Variants in TRPC4 observed in about 807,000 individuals in gnomAD.
The protein encoded by TRPC4 is transient receptor potential cation channel subfamily C member 4.
TRPC4 carries 49 observed loss-of-function variants against 99.4 expected under a neutral mutation model. That is an observed-to-expected ratio of 0.49 (90% CI 0.39 to 0.63). The LOEUF is 0.63. Ranked by LOEUF, TRPC4 falls within the 20% of genes least tolerant of loss-of-function variation. The probability of loss-of-function intolerance (pLI) is 0.00; values close to 1 mark genes in which losing one functional copy is unlikely to be tolerated. For synonymous variants in TRPC4, 454 were observed against 425.9 expected, an observed-to-expected ratio of 1.07 and a Z score of -0.81; for missense variants, 898 against 1,152.9, an observed-to-expected ratio of 0.78 and a Z score of 3.20.
intron 1 of TRPC4, among the ~76,000 whole-genome samples, chr13:37,818,954 A>G (rs973247624): frequency 6.6e-6 from 1 of 152,070 alleles, no homozygotes; most frequent in Non-Finnish European, 1.5e-5. Flanking sequence ...GTACAATTAA[A>G]AAAAATACAT....
chr13:37,832,655 C>T (rs185608297), intron 1 of TRPC4, among the ~76,000 whole-genome samples: 123 of 152,012 alleles, frequency 8.1e-4, no homozygotes, highest in East Asian at 1.2e-3. Flanking sequence ...TTAAATCTAA[C>T]GAACAGGACA....
chr13:37,746,252 G>C lies in TRPC4; in HGVS notation c.582C>G (p.Arg194=). The stretch of plus-strand genomic sequence containing the variant: ...AGGCCTTGTAGATGTTGAGTCTGGA[G>C]CGTGAGTGACGGAGGCTGTCCACAT... ...SSDVDSLRHS[R]SRLNIYKALA... is the part of the protein sequence containing the mutation. Residue 194 remains arginine, a synonymous_variant, in exon 3 of 11, where the codon CGC becomes CGG. Coordinates refer to ENST00000379705, the MANE Select transcript of TRPC4 (RefSeq NM_016179.4). 6.2e-7 allele frequency: 1 copy of C among 1,613,844 alleles called. No homozygotes were observed. The highest frequency in any genetic ancestry group is 8.5e-7 in the Non-Finnish European group (1 of 1,179,878).
At chr13:37,698,906 T>C (rs1954011853) in intron 3 of TRPC4, among the ~76,000 whole-genome samples, 1 of 152,148 alleles carries the variant, frequency 6.6e-6, no homozygotes, top group Non-Finnish European at 1.5e-5. Flanking sequence ...AAAATACCTA[T>C]ACCTAGTTTC....
chr13:37,855,655 T>C (rs958637063), intron 1 of TRPC4, among the ~76,000 whole-genome samples: 3 of 151,488 alleles, frequency 2.0e-5, no homozygotes, highest in African/African-American at 7.3e-5. Flanking sequence ...CTTAAAACAT[T>C]CAAAAAATTG....
chr13:37,837,706 G>A (rs1958604328), intron 1 of TRPC4, among the ~76,000 whole-genome samples: 1 of 152,174 alleles, frequency 6.6e-6, no homozygotes, highest in African/African-American at 2.4e-5. Flanking sequence ...ACTTTGCACT[G>A]TGGACTTTTG....
rs1262380214 is a variant in TRPC4, at chr13:37,635,957, T to C, written c.*946A>G. On this transcript the variant is annotated 3_prime_UTR_variant, in exon 11 of 11. Coordinates refer to ENST00000379705, the MANE Select transcript of TRPC4 (RefSeq NM_016179.4). ...TGTACTTCTTTTGAATTGATTACAA[T>C]ATTGCGTTGATTGAAAATACTGGAA... Among the ~76,000 whole-genome samples the C allele has an allele frequency of 6.6e-6, 1 of 152,114 alleles. No homozygotes were observed. Among genetic ancestry groups the C allele is most frequent in the Non-Finnish European group, 1.5e-5 (1 of 67,980 alleles).
At position 37,783,083 on chromosome 13, in the gene TRPC4, T is replaced by A. The variant is rs1956882712; in HGVS notation, c.251A>T (p.Glu84Val). ...LLIAIENENLELIELLLSFNV... is the reference protein window; with the variant it reads ...LLIAIENENLVLIELLLSFNV... ...AAAGCTTAAGAGTAGTTCGATGAGCTCCAAGTTCTCATTTTCAATTGCAAT... is the reference window on the plus strand; with the variant it reads ...AAAGCTTAAGAGTAGTTCGATGAGCACCAAGTTCTCATTTTCAATTGCAAT... The change falls in exon 2 of 11, where the codon GAG becomes GTG. Residue 84 changes from glutamate (E) to valine (V), a missense_variant. Glu to Val is a moderately radical substitution (Grantham distance 121). Coordinates refer to ENST00000379705, the MANE Select transcript of TRPC4 (RefSeq NM_016179.4). The A allele has an allele frequency of 3.1e-6, 5 of 1,613,398 alleles. No individual in the cohort carries two copies. The highest frequency in any genetic ancestry group is 4.2e-6 in the Non-Finnish European group (5 of 1,179,742).
rs969601056 is a variant in TRPC4 at position 37,653,421 on chromosome 13, G to C, written c.1884+1667C>G. 3.3e-5 allele frequency among the ~76,000 whole-genome samples: 5 copies of C among 151,540 alleles called. No individual in the cohort carries two copies. In the East Asian group the frequency reaches 9.7e-4, roughly 29 times the overall value. ...AAAGAAAGAAAGAGGAAGAAAGAAA[G>C]AAAGAAGAAAGAAGAAAGAAAGAAA... is the stretch of plus-strand genomic sequence containing the variant. On this transcript the variant is annotated intron_variant, in intron 7 of 10. Transcript: ENST00000379705.
chr13:37,762,633 C>A (rs866851368), intron 2 of TRPC4, among the ~76,000 whole-genome samples: 1 of 146,532 alleles, frequency 6.8e-6, no homozygotes, highest in East Asian at 2.1e-4. Flanking sequence ...AACCAAACAC[C>A]GCATATTCTC....
intron 1 of TRPC4, among the ~76,000 whole-genome samples, chr13:37,843,353 C>T (rs1958796033): frequency 6.6e-6 from 1 of 152,098 alleles, no homozygotes; most frequent in African/African-American, 2.4e-5. Context: ...TAGTTATAGC[C>T]ATTATTGGAG....
intron 1 of TRPC4, among the ~76,000 whole-genome samples, chr13:37,842,766 T>C (rs1300930646): frequency 6.6e-6 from 1 of 152,210 alleles, no homozygotes; most frequent in Non-Finnish European, 1.5e-5. Context: ...CTTTCAGGGT[T>C]AAGATTTCAG....
chr13:37,835,484 G>A (rs980215685), intron 1 of TRPC4, among the ~76,000 whole-genome samples: 3 of 152,100 alleles, frequency 2.0e-5, no homozygotes, highest in Non-Finnish European at 2.9e-5. Context: ...AACACCATGG[G>A]TTTCTTTATT....
chr13:37,709,538 C>G (rs2138976978), intron 3 of TRPC4, among the ~76,000 whole-genome samples: 1 of 152,006 alleles, frequency 6.6e-6, no homozygotes, highest in South Asian at 2.1e-4. Context: ...CACCTTTCCT[C>G]CTTCATGCAC....
At chr13:37,819,501 C>A (rs1957954819) in intron 1 of TRPC4, among the ~76,000 whole-genome samples, 1 of 151,880 alleles carries the variant, frequency 6.6e-6, no homozygotes. Context: ...ATGAAAAGAA[C>A]AAGATCATGT....
At chr13:37,659,632 GTT>G (rs1952362295) in intron 6 of TRPC4, among the ~76,000 whole-genome samples, 2 of 152,168 alleles carry the variant, frequency 1.3e-5, no homozygotes, top group South Asian at 4.1e-4. Flanking sequence ...TCAGATATTA[GTT>G]TAGAAATATA....
In TRPC4 at chr13:37,723,879, T is replaced by A. The variant is rs1330739016; in HGVS notation, c.897+22058A>T. On this transcript the variant is annotated intron_variant, in intron 3 of 10. Transcript: ENST00000379705. ...TGTTATCTTTTTAATACGGAAAAAA[T>A]TAGAACTATAAAATTTTATAAAACA... Among the ~76,000 whole-genome samples the A allele has an allele frequency of 2.0e-5, 3 of 151,914 alleles. No individual in the cohort carries two copies. In the South Asian group the frequency reaches 6.2e-4, roughly 32 times the overall value.
At chr13:37,755,028 T>C (rs930256899) in intron 2 of TRPC4, among the ~76,000 whole-genome samples, 2 of 152,096 alleles carry the variant, frequency 1.3e-5, no homozygotes, top group South Asian at 2.1e-4. Flanking sequence ...AAAAACCTCA[T>C]AGAAATTTAT....
In TRPC4 at chr13:37,637,022, C is replaced by T. The variant is rs1303962047; in HGVS notation, c.2815G>A (p.Asp939Asn). 1 of 1,613,738 alleles carries T rather than the reference C, an allele frequency of 6.2e-7. No individual in the cohort carries two copies. The highest frequency in any genetic ancestry group is 1.1e-5 in the South Asian group (1 of 91,074). ...PFKSEKVVVE[D>N]TVPIIPKEKH... ...TCCTTTGGTATTATAGGAACCGTGT[C>T]CTCCACCACCACCTTCTCTGACTTG... is the stretch of plus-strand genomic sequence containing the variant. The change falls in exon 11 of 11, where the codon GAC becomes AAC. Residue 939 changes from aspartate (D) to asparagine (N), a missense_variant. By Grantham distance (23) the Asp-to-Asn change is conservative. Coordinates refer to ENST00000379705, the MANE Select transcript of TRPC4 (RefSeq NM_016179.4).
intron 1 of TRPC4, among the ~76,000 whole-genome samples, chr13:37,793,526 T>A (rs1259409428): frequency 6.9e-6 from 1 of 145,370 alleles, no homozygotes; most frequent in Non-Finnish European, 1.5e-5. Flanking sequence ...AAAATACATA[T>A]GACAAAGAAG....
Sources: allele counts gnomAD v4.1 joint callset (sites outside exome capture counted in the v4.1 genomes callset), GRCh38; gene constraint gnomAD v4.1.1; transcripts MANE v1.5; gene names NCBI Gene and HGNC (gene_info 2026-07-23, HGNC 2026-07-21).